The following CMIP variants were observed in gnomAD, a reference collection of about 807,000 sequenced individuals.
CMIP encodes C-Maf-inducing protein.
CMIP carries 13 observed loss-of-function variants against 97.3 expected under a neutral mutation model. The ratio of observed to expected loss-of-function variants is 0.13; its 90% confidence interval spans 0.09 to 0.21. CMIP has a LOEUF of 0.21. Ranked by LOEUF, CMIP falls within the 10% of genes least tolerant of loss-of-function variation. The pLI is 1.00. For synonymous variants in CMIP, 538 were observed against 436.3 expected (o/e 1.23, Z -2.91); for missense variants, 847 against 1,024.9 (o/e 0.83, Z 2.37).
intron 3 of CMIP, among the ~76,000 whole-genome samples, chr16:81,642,661 C>T (rs149605758): frequency 6.6e-5 from 10 of 152,244 alleles, no homozygotes; most frequent in South Asian, 4.1e-4. Flanking sequence ...GTGTATCTGC[C>T]GGGCGCGGTG....
chr16:81,495,637 C>A, intron 1 of CMIP: 2 of 783,458 alleles, frequency 2.6e-6, no homozygotes, highest in Non-Finnish European at 4.1e-6. Context: ...TCTGAGAGAC[C>A]CCAGGCCCCT....
At chr16:81,447,390 A>T (rs1332692618) in intron 1 of CMIP, among the ~76,000 whole-genome samples, 2 of 151,998 alleles carry the variant, frequency 1.3e-5, no homozygotes, top group Admixed American at 1.3e-4. Context: ...TCCCGCTGCT[A>T]CCGTCCTGTT....
intron 1 of CMIP, among the ~76,000 whole-genome samples, chr16:81,511,789 T>G (rs549348094): frequency 6.6e-6 from 1 of 152,318 alleles, no homozygotes; most frequent in Admixed American, 6.5e-5. Context: ...CTCGAACTCC[T>G]GGGCTCAAGT....
intron 10 of CMIP, among the ~76,000 whole-genome samples, chr16:81,689,110 A>G (rs928723170): frequency 2.0e-5 from 3 of 152,344 alleles, no homozygotes; most frequent in Non-Finnish European, 2.9e-5. Flanking sequence ...TAGTGCTGCA[A>G]TCAATATACA....
At chr16:81,635,393 A>G (rs2092221457) in intron 3 of CMIP, among the ~76,000 whole-genome samples, 1 of 152,112 alleles carries the variant, frequency 6.6e-6, no homozygotes, top group Non-Finnish European at 1.5e-5. Context: ...TTAATTTTTT[A>G]AAGGTATATC....
At chr16:81,686,727 C>A (rs974776611) in intron 10 of CMIP, among the ~76,000 whole-genome samples, 2 of 152,170 alleles carry the variant, frequency 1.3e-5, no homozygotes, top group African/African-American at 4.8e-5. Flanking sequence ...AAAGCCCTCA[C>A]TCAGGGGTTA....
At chr16:81,665,439 C>A (rs541459101) in intron 7 of CMIP, 3 of 152,196 alleles carry the variant, frequency 2.0e-5, no homozygotes, top group African/African-American at 7.2e-5. Context: ...TCATGCCATT[C>A]CCATGACACC....
At chr16:81,476,546 C>G in intron 1 of CMIP, 1 of 613,082 alleles carries the variant, frequency 1.6e-6, no homozygotes. Context: ...TTCCCGACGG[C>G]GCCGGTGTCT....
chr16:81,617,726 C>G (rs1567613463), intron 2 of CMIP, among the ~76,000 whole-genome samples: 1 of 152,212 alleles, frequency 6.6e-6, no homozygotes, highest in Non-Finnish European at 1.5e-5. Flanking sequence ...CACTGCTCAC[C>G]TAGCTGTGGA....
At chr16:81,672,124 C>T in intron 9 of CMIP, 54 bp downstream of exon 9, 1 of 1,087,754 alleles carries the variant, frequency 9.2e-7, no homozygotes, top group Non-Finnish European at 1.4e-6. Flanking sequence ...AAACTGCCAC[C>T]CCCATCATGG....
At chr16:81,623,507 CT>C (rs1441778998) in intron 3 of CMIP, among the ~76,000 whole-genome samples, 2 of 152,142 alleles carry the variant, frequency 1.3e-5, no homozygotes, top group African/African-American at 4.8e-5. Flanking sequence ...CTACAGCATG[CT>C]TCAGACACAG....
intron 13 of CMIP, 76 bp from the exon 14 acceptor site, chr16:81,696,484 C>T (rs1906730866): frequency 7.1e-7 from 1 of 1,406,620 alleles, no homozygotes; most frequent in Non-Finnish European, 9.8e-7. Flanking sequence ...CTTTCCCATT[C>T]ATGTGTGCAG....
intron 1 of CMIP, among the ~76,000 whole-genome samples, chr16:81,450,247 T>C (rs1457661955): frequency 6.6e-6 from 1 of 152,174 alleles, no homozygotes; most frequent in Admixed American, 6.5e-5. Flanking sequence ...GGGGGTCAGC[T>C]TACACCTTTG....
At chr16:81,689,558 T>C (rs1471456235) in intron 10 of CMIP, among the ~76,000 whole-genome samples, 1 of 152,248 alleles carries the variant, frequency 6.6e-6, no homozygotes, top group Admixed American at 6.5e-5. Context: ...ATATTAGCCC[T>C]TTGTCAGATG....
At chr16:81,682,824 CCTAAGTTGCAAAA>C (rs1905008182) in intron 10 of CMIP, among the ~76,000 whole-genome samples, 1 of 152,154 alleles carries the variant, frequency 6.6e-6, no homozygotes, top group Non-Finnish European at 1.5e-5. Flanking sequence ...TGAAAAGTAA[CCTAAGTTGCAAAA>C]ATTTCCTGGA....
At chr16:81,639,504 A>T (rs1271545337) in intron 3 of CMIP, among the ~76,000 whole-genome samples, 1 of 152,122 alleles carries the variant, frequency 6.6e-6, no homozygotes, top group African/African-American at 2.4e-5. Context: ...ATCACACAAG[A>T]TTTGGCCTTT....
chr16:81,600,444 C>A (rs2091639743), intron 1 of CMIP, among the ~76,000 whole-genome samples: 1 of 152,140 alleles, frequency 6.6e-6, no homozygotes, highest in African/African-American at 2.4e-5. Flanking sequence ...CATGCCATAG[C>A]ACAGATAAAC....
intron 9 of CMIP, among the ~76,000 whole-genome samples, chr16:81,673,389 A>T (rs545479864): frequency 6.6e-6 from 1 of 152,158 alleles, no homozygotes; most frequent in Admixed American, 6.5e-5. Context: ...ATGGTGGTAC[A>T]TGACTGTACT....
intron 3 of CMIP, among the ~76,000 whole-genome samples, chr16:81,624,737 G>A (rs370621289): frequency 7.2e-5 from 11 of 152,232 alleles, no homozygotes; most frequent in South Asian, 2.1e-4. Flanking sequence ...AGATGAGGGA[G>A]ACACTAGGGT....
Sources: gnomAD v4.1 joint callset for allele counts (sites outside exome capture counted in the v4.1 genomes callset) on GRCh38, gnomAD v4.1.1 for gene constraint, MANE v1.5 for transcripts, NCBI Gene and HGNC (gene_info 2026-07-23, HGNC 2026-07-21) for gene names.